The following WDR49 variants were observed in gnomAD, a reference collection of about 807,000 sequenced individuals.
WDR49 encodes WD repeat domain 49, also known as cilia- and flagella-associated protein 337.
In WDR49, 107 loss-of-function variants were observed where a neutral mutation model predicts 119.5. The observed-to-expected ratio is 0.90, with a 90% CI of 0.77 to 1.05. The LOEUF (loss-of-function observed/expected upper bound fraction) is 1.05. WDR49 is among the 50% of genes least tolerant of loss of function. WDR49 has a pLI of 0.00. For synonymous variants in WDR49, 425 were observed against 418.8 expected, an observed-to-expected ratio of 1.01 and a Z score of -0.18; for missense variants, 1,240 against 1,220.5, an observed-to-expected ratio of 1.02 and a Z score of -0.24.
chr3:167,604,275 T>G (rs1293547474), intron 6 of WDR49, 26 bp downstream of exon 6: 2 of 1,611,516 alleles, frequency 1.2e-6, no homozygotes, highest in Non-Finnish European at 8.5e-7. Context: ...GAGGCCCTCA[T>G]AGTTATCATG....
intron 17 of WDR49, among the ~76,000 whole-genome samples, chr3:167,501,347 A>C (rs1751557456): frequency 6.6e-6 from 1 of 152,186 alleles, no homozygotes; most frequent in Admixed American, 6.5e-5. Flanking sequence ...TCATGGACTT[A>C]AGTTGAAATA....
chr3:167,500,639 GA>G (rs1289667491), intron 17 of WDR49, among the ~76,000 whole-genome samples: 4 of 152,072 alleles, frequency 2.6e-5, no homozygotes, highest in African/African-American at 7.2e-5. Context: ...TATCTTTTGT[GA>G]AATGGAATCT....
intron 2 of WDR49, chr3:167,633,681 A>T (rs1717480142): frequency 4.2e-5 from 15 of 357,242 alleles, no homozygotes; most frequent in South Asian, 2.8e-4. Context: ...TTTACCATTG[A>T]GCTATCTTTA....
intron 9 of WDR49, among the ~76,000 whole-genome samples, chr3:167,557,644 T>C (rs536710159): frequency 7.9e-5 from 12 of 151,646 alleles, no homozygotes; most frequent in African/African-American, 2.9e-4. Context: ...TCCCAGCTAC[T>C]CGGGAGGCTG....
intron 8 of WDR49, among the ~76,000 whole-genome samples, chr3:167,570,050 A>G (rs180699675): frequency 5.4e-4 from 82 of 152,220 alleles, no homozygotes; most frequent in African/African-American, 1.9e-3. Flanking sequence ...GTTTCCATCA[A>G]GTGACTACAG....
At chr3:167,603,281 A>C (rs1678384362) in intron 6 of WDR49, among the ~76,000 whole-genome samples, 1 of 152,138 alleles carries the variant, frequency 6.6e-6, no homozygotes, top group African/African-American at 2.4e-5. Flanking sequence ...GCACTATAGG[A>C]GGTACAAAGT....
At position 167,602,954 on chromosome 3, in the gene WDR49, G is replaced by A. The variant is rs142210348; in HGVS notation, c.1127-679C>T. ...CAATAGGCTACAGCATATAGCTTAG[G>A]TGTGTAGTAGGCTACACCATCTCTT... On this transcript the variant is annotated intron_variant, in intron 6 of 18. Transcript: ENST00000682715. Among the ~76,000 whole-genome samples the A allele has an allele frequency of 3.6e-3, 552 of 152,212 alleles. 7 individuals carry two copies. The highest frequency in any genetic ancestry group is 0.012 in the African/African-American group (512 of 41,552).
intron 7 of WDR49, among the ~76,000 whole-genome samples, chr3:167,595,119 T>C (rs1250537226): frequency 6.6e-5 from 10 of 151,874 alleles, no homozygotes; most frequent in Non-Finnish European, 1.3e-4. Context: ...CCATTCACAA[T>C]TGCTTCAAAG....
intron 15 of WDR49, among the ~76,000 whole-genome samples, chr3:167,523,996 A>G (rs1339962083): frequency 1.3e-5 from 2 of 152,132 alleles, no homozygotes; most frequent in Admixed American, 1.3e-4. Context: ...TGGTTGAACT[A>G]ATTTGCACTC....
chr3:167,505,239 G>C, intron 17 of WDR49, 68 bp downstream of exon 17: 1 of 1,318,356 alleles, frequency 7.6e-7, no homozygotes, highest in African/African-American at 1.5e-5. Flanking sequence ...ACACAGAGTA[G>C]ACATTTGTAT....
chr3:167,545,780 G>A (rs952845475), intron 10 of WDR49, among the ~76,000 whole-genome samples: 17 of 150,178 alleles, frequency 1.1e-4, no homozygotes, highest in African/African-American at 3.9e-4. Context: ...CTTGTGTGAT[G>A]GGTACACCAA....
intron 13 of WDR49, 36 bp downstream of exon 13, chr3:167,531,073 CTCCCTT>C: frequency 1.3e-6 from 2 of 1,575,632 alleles, no homozygotes; most frequent in Non-Finnish European, 1.7e-6. Context: ...TTCTTTATTG[CTCCCTT>C]TCCAACTATA....
intron 9 of WDR49, among the ~76,000 whole-genome samples, chr3:167,555,788 C>T (rs1446620601): frequency 6.6e-6 from 1 of 152,086 alleles, no homozygotes; most frequent in Non-Finnish European, 1.5e-5. Context: ...TATAAAGTCA[C>T]CCATCACTTA....
At chr3:167,548,285 A>C (rs1414216828) in intron 10 of WDR49, among the ~76,000 whole-genome samples, 1 of 151,988 alleles carries the variant, frequency 6.6e-6, no homozygotes, top group African/African-American at 2.4e-5. Context: ...ACAGCTCAAG[A>C]CTGGATTCAG....
intron 10 of WDR49, among the ~76,000 whole-genome samples, chr3:167,551,864 A>G (rs1001505047): frequency 3.3e-5 from 5 of 151,936 alleles, no homozygotes; most frequent in Non-Finnish European, 5.9e-5. Context: ...ACATACACAA[A>G]TATCCCTATT....
intron 8 of WDR49, among the ~76,000 whole-genome samples, chr3:167,568,807 T>C (rs896510233): frequency 6.6e-6 from 1 of 152,186 alleles, no homozygotes; most frequent in Non-Finnish European, 1.5e-5. Context: ...GATGGGTAAT[T>C]TAATGTAGAG....
chr3:167,568,894 CA>C (rs1713764589), intron 8 of WDR49, among the ~76,000 whole-genome samples: 1 of 151,952 alleles, frequency 6.6e-6, no homozygotes, highest in African/African-American at 2.4e-5. Context: ...ACAACAGCAA[CA>C]GGGGGTGGCT....
rs117412681 is a variant in WDR49 at position 167,484,498 on chromosome 3, C to T, written c.3032-5502G>A. On this transcript the variant is annotated intron_variant, in intron 18 of 18. Coordinates refer to ENST00000682715, the MANE Select transcript of WDR49 (RefSeq NM_001366157.1). Reference sequence around the variant, plus strand: ...AAATTCTACCAATGAAAGTTTCTGCCTGTGCCGAGCCTGCCATGATCTTTT... The same window carrying T: ...AAATTCTACCAATGAAAGTTTCTGCTTGTGCCGAGCCTGCCATGATCTTTT... Among the ~76,000 whole-genome samples the T allele has an allele frequency of 1.2e-3, 178 of 152,010 alleles. 2 individuals carry two copies. In the East Asian group the frequency reaches 0.024, roughly 20 times the overall value.
intron 7 of WDR49, among the ~76,000 whole-genome samples, chr3:167,598,545 CA>C (rs1386771783): frequency 1.3e-5 from 2 of 152,078 alleles, no homozygotes; most frequent in African/African-American, 4.8e-5. Context: ...GTGGTTCCCC[CA>C]CCCCACTCTC....
Sources: gnomAD v4.1 joint callset for allele counts (sites outside exome capture counted in the v4.1 genomes callset) on GRCh38, gnomAD v4.1.1 for gene constraint, MANE v1.5 for transcripts, NCBI Gene and HGNC (gene_info 2026-07-23, HGNC 2026-07-21) for gene names.